Variants in DMD observed in about 807,000 individuals in gnomAD.
The protein encoded by DMD is dystrophin.
A neutral mutation model predicts 330.1 loss-of-function variants in DMD; 63 were observed. That is an observed-to-expected ratio of 0.19 (90% CI 0.16 to 0.24). DMD has a LOEUF of 0.24. Ranked by LOEUF, DMD falls within the 10% of genes least tolerant of loss-of-function variation. The pLI, the probability that DMD is intolerant of heterozygous loss-of-function variation, is 1.00. For missense variants in DMD, 3,344 were observed against 2,684.1 expected (o/e 1.25, Z -5.43); for synonymous variants, 1,223 against 959.8 (o/e 1.27, Z -5.07).
intron 63 of DMD, among the ~76,000 whole-genome samples, chrX:31,236,614 T>C (rs888949869): frequency 8.9e-6 from 1 of 112,371 alleles, no homozygotes; most frequent in Non-Finnish European, 1.9e-5. Context: ...GTTTAGCCAT[T>C]TGTTTGGAAT....
At chrX:32,023,437 C>T (rs1291988504) in intron 44 of DMD, among the ~76,000 whole-genome samples, 1 of 111,414 alleles carries the variant, frequency 9.0e-6, no homozygotes, top group African/African-American at 3.3e-5. Context: ...AGAAGACATG[C>T]AGCTAGTCAC....
chrX:31,706,147 TAAAAA>T (rs59287838), intron 52 of DMD, among the ~76,000 whole-genome samples: 2 of 83,150 alleles, frequency 2.4e-5, no homozygotes, highest in Non-Finnish European at 4.8e-5. Flanking sequence ...TTTTAGCTGT[TAAAAA>T]AAAAAAAAAA....
intron 44 of DMD, among the ~76,000 whole-genome samples, chrX:32,113,768 A>G (rs762353125): frequency 1.1e-4 from 12 of 111,937 alleles, no homozygotes; most frequent in South Asian, 3.7e-4. Context: ...GATCATAGTT[A>G]TAGCTTTGAA....
Position 31,340,065 on chromosome X carries a change from T to G in DMD, c.9163+8491A>C, listed in dbSNP as rs149965268. Among the ~76,000 whole-genome samples, 690 of 112,337 alleles carry G rather than the reference T, an allele frequency of 6.1e-3. 7 individuals carry two copies. Among genetic ancestry groups the G allele is most frequent in the African/African-American group, 0.021 (645 of 30,922 alleles). On this transcript the variant is annotated intron_variant, in intron 61 of 78. Coordinates refer to ENST00000357033, the MANE Select transcript of DMD (RefSeq NM_004006.3). The stretch of plus-strand genomic sequence containing the variant: ...AAGTGTGTATGTGTAGTGGGGAATG[T>G]CCAGGATGAAAGCTTGGCAACTCTC...
intron 1 of DMD, among the ~76,000 whole-genome samples, chrX:33,134,607 C>CA (rs974818098): frequency 5.4e-5 from 6 of 111,777 alleles, no homozygotes; most frequent in South Asian, 3.7e-4. Flanking sequence ...GTTCTCGCTA[C>CA]AAAAAATGAT....
chrX:32,308,951 G>C (rs777507153), intron 42 of DMD, among the ~76,000 whole-genome samples: 1 of 111,167 alleles, frequency 9.0e-6, no homozygotes, highest in East Asian at 2.8e-4. Flanking sequence ...TGGCATGTCA[G>C]CTTTATTTTA....
intron 7 of DMD, among the ~76,000 whole-genome samples, chrX:32,740,643 A>T (rs2148174006): frequency 8.9e-6 from 1 of 111,892 alleles, no homozygotes; most frequent in East Asian, 2.8e-4. Context: ...AGTTTATGAC[A>T]CAAAATTGGC....
intron 1 of DMD, among the ~76,000 whole-genome samples, chrX:33,090,405 ATATAT>A (rs895384590): frequency 2.8e-5 from 3 of 107,865 alleles, no homozygotes; most frequent in African/African-American, 1.0e-4. Context: ...ATTATAACAT[ATATAT>A]TATATATAAC....
chrX:32,533,136 T>A (rs1220850318), intron 17 of DMD, among the ~76,000 whole-genome samples: 1 of 111,055 alleles, frequency 9.0e-6, no homozygotes, highest in African/African-American at 3.3e-5. Flanking sequence ...GAAACCAAGG[T>A]AAGATGGCCT....
At chrX:33,135,285 A>G (rs991696520) in intron 1 of DMD, among the ~76,000 whole-genome samples, 7 of 112,073 alleles carry the variant, frequency 6.2e-5, no homozygotes, top group African/African-American at 2.3e-4. Context: ...GAACATAGTT[A>G]CCACAAAGCA....
chrX:32,567,526 G>C (rs2051872893), intron 15 of DMD, among the ~76,000 whole-genome samples: 1 of 111,273 alleles, frequency 9.0e-6, no homozygotes, highest in Admixed American at 9.6e-5. Context: ...CTCACGAGTA[G>C]CTGGTATTAT....
chrX:32,419,689 T>A (rs2098181777), intron 29 of DMD, among the ~76,000 whole-genome samples: 1 of 112,392 alleles, frequency 8.9e-6, no homozygotes, highest in South Asian at 3.7e-4. Context: ...TAATTTTCTT[T>A]ACCAGGAAAG....
chrX:33,141,871 A>G (rs1569556326), intron 1 of DMD, among the ~76,000 whole-genome samples: 4 of 112,042 alleles, frequency 3.6e-5, no homozygotes. Context: ...GACTCACAGC[A>G]GAGGAAATTA....
intron 2 of DMD, among the ~76,000 whole-genome samples, chrX:32,949,286 A>ACACACACG (rs1557166033): frequency 9.7e-6 from 1 of 102,814 alleles, no homozygotes; most frequent in Non-Finnish European, 2.0e-5. Flanking sequence ...ACACACACAC[A>ACACACACG]CACACGCACA....
chrX:33,031,110 C>T (rs984124315), intron 1 of DMD, among the ~76,000 whole-genome samples: 3 of 110,715 alleles, frequency 2.7e-5, no homozygotes, highest in African/African-American at 6.6e-5. Flanking sequence ...CTATAGTGAA[C>T]GGATTCTGTG....
chrX:33,075,951 G>A (rs923955493), intron 1 of DMD, among the ~76,000 whole-genome samples: 11 of 111,857 alleles, frequency 9.8e-5, no homozygotes, highest in Admixed American at 4.8e-4. Context: ...TAGAAATTAC[G>A]GTTTAGTAGT....
At chrX:32,946,602 AT>A (rs1226372549) in intron 2 of DMD, among the ~76,000 whole-genome samples, 2 of 111,794 alleles carry the variant, frequency 1.8e-5, no homozygotes, top group East Asian at 2.8e-4. Flanking sequence ...GTTACATTAC[AT>A]TTTTTTCTAG....
At chrX:31,669,938 T>A (rs1238336788) in intron 53 of DMD, among the ~76,000 whole-genome samples, 2 of 110,910 alleles carry the variant, frequency 1.8e-5, no homozygotes, top group Non-Finnish European at 3.8e-5. Context: ...ATTAAGTCTT[T>A]TGATCTGAGA....
At chrX:32,878,184 G>A (rs1037291751) in intron 2 of DMD, among the ~76,000 whole-genome samples, 2 of 111,286 alleles carry the variant, frequency 1.8e-5, no homozygotes, top group Non-Finnish European at 3.8e-5. Context: ...GACCATCCTG[G>A]CTAACACGGT....
Sources: gnomAD v4.1 joint callset for allele counts (sites outside exome capture counted in the v4.1 genomes callset) on GRCh38, gnomAD v4.1.1 for gene constraint, MANE v1.5 for transcripts, NCBI Gene and HGNC (gene_info 2026-07-23, HGNC 2026-07-21) for gene names.